The following TENM1 variants were observed in gnomAD, a reference collection of about 807,000 sequenced individuals.
The protein encoded by TENM1 is teneurin transmembrane protein 1, also known as teneurin-1.
Under a neutral mutation model 174.8 loss-of-function variants are expected in TENM1, and 35 were observed. That is an observed-to-expected ratio of 0.20 (90% CI 0.15 to 0.27). The LOEUF is 0.27. TENM1 is among the 10% of genes least tolerant of loss of function. The pLI, the probability that TENM1 is intolerant of heterozygous loss-of-function variation, is 1.00. For synonymous variants in TENM1, 781 were observed against 798.7 expected, an observed-to-expected ratio of 0.98 and a Z score of 0.37; for missense variants, 1,633 against 2,130.1, an observed-to-expected ratio of 0.77 and a Z score of 4.59.
Position 124,385,074 on chromosome X carries a change from A to G in TENM1, c.6077-220T>C, listed in dbSNP as rs183606335. ...AAAAATTAAAATACTCTATAGTTAT[A>G]GAAAATTTTAATTATAGAAACTACA... On this transcript the variant is annotated intron_variant, in intron 29 of 31. Transcript: ENST00000422452. Among the ~76,000 whole-genome samples, 1,102 of 112,632 alleles carry G rather than the reference A, an allele frequency of 9.8e-3. 14 individuals are homozygous for G. The highest frequency in any genetic ancestry group is 0.032 in the African/African-American group (1,004 of 31,006).
At chrX:124,827,951 T>C (rs2056204947) in intron 3 of TENM1, among the ~76,000 whole-genome samples, 1 of 111,669 alleles carries the variant, frequency 9.0e-6, no homozygotes, top group Non-Finnish European at 1.9e-5. Context: ...GTCAATCCTT[T>C]ATATGTATAT....
At chrX:125,090,926 T>C in the TENM1 span, among the ~76,000 whole-genome samples, 1,558 of 111,718 alleles carry the variant, frequency 0.014, 28 homozygotes, top group African/African-American at 0.047. Context: ...AATTACATTA[T>C]AACACTTCAG....
At position 124,645,075 on chromosome X, in the gene TENM1, C is replaced by G. The variant is rs5958546; in HGVS notation, c.1876+68G>C. The G allele has an allele frequency of 1.6e-5, 17 of 1,080,625 alleles. No individual in the cohort carries two copies. The African/African-American group carries it at 2.8e-4, about 18-fold the overall frequency. The allele number at this position is 1,080,625 out of a possible 1,213,427, so 89.1% of individuals were successfully genotyped here. ...GCCACTTGCATCTCTACTAGGAGAACAGAATGACACCTTGGACAACTGAGT... is the reference window on the plus strand; with the variant it reads ...GCCACTTGCATCTCTACTAGGAGAAGAGAATGACACCTTGGACAACTGAGT... On this transcript the variant is annotated intron_variant, in intron 10 of 31. Transcript: ENST00000422452.
At position 124,888,334 on chromosome X, in the gene TENM1, C is replaced by T. The variant is rs73215163; in HGVS notation, c.535+5962G>A. On this transcript the variant is annotated intron_variant, in intron 3 of 31. Coordinates refer to ENST00000422452, the Ensembl canonical transcript of TENM1. The stretch of plus-strand genomic sequence containing the variant: ...AACAGAACAACATAGGGAGCTCAGC[C>T]GCCCAACAGTCAAGGAAATCAACAG... Among the ~76,000 whole-genome samples the T allele has an allele frequency of 9.6e-3, 1,064 of 111,077 alleles. 9 individuals carry two copies. Among genetic ancestry groups the T allele is most frequent in the Non-Finnish European group, 0.015 (778 of 52,942 alleles).
chrX:124,561,785 G>A lies in TENM1; in HGVS notation c.2320C>T (p.Arg774Ter). The A allele has an allele frequency of 8.3e-7, 1 of 1,210,641 alleles. No homozygotes were observed. The change falls in exon 14 of 32, where the codon CGA becomes TGA. Residue 774 changes from arginine to a stop codon, truncating the protein, a stop_gained. Coordinates refer to ENST00000422452, the Ensembl canonical transcript of TENM1. LOFTEE classifies it high-confidence loss of function. ...CAACCATTTTGATCCAGGGTACATC[G>A]TCCATTTCCAAAGCAGAGCCCTGGG...
At chrX:125,157,592 C>G in the TENM1 span, among the ~76,000 whole-genome samples, 1 of 112,027 alleles carries the variant, frequency 8.9e-6, no homozygotes, top group African/African-American at 3.3e-5. Flanking sequence ...AATGGCCGAT[C>G]TCCCAATAAG....
At chrX:124,927,582 A>AG (rs1399802440) in intron 1 of TENM1, among the ~76,000 whole-genome samples, 1 of 111,921 alleles carries the variant, frequency 8.9e-6, no homozygotes, top group Non-Finnish European at 1.9e-5. Flanking sequence ...GGACTATATG[A>AG]GGGGGGAAGA....
chrX:124,586,966 G>T (rs1028448618), intron 11 of TENM1, among the ~76,000 whole-genome samples: 28 of 110,920 alleles, frequency 2.5e-4, no homozygotes, highest in Non-Finnish European at 4.5e-4. Context: ...AAATACCTTG[G>T]AATCCAACCT....
intron 3 of TENM1, among the ~76,000 whole-genome samples, chrX:124,774,154 T>A (rs2054726273): frequency 8.9e-6 from 1 of 111,933 alleles, no homozygotes; most frequent in South Asian, 3.6e-4. Context: ...ATGAAAAGCA[T>A]AAGAACAAAG....
At chrX:124,974,888 C>CTATATA in the TENM1 span, among the ~76,000 whole-genome samples, 7 of 72,727 alleles carry the variant, frequency 9.6e-5, 1 homozygote, top group Non-Finnish European at 1.6e-4. Flanking sequence ...GGGACTGACA[C>CTATATA]TATATATATA....
chrX:124,874,671 T>A (rs959170899), intron 3 of TENM1, among the ~76,000 whole-genome samples: 2 of 111,264 alleles, frequency 1.8e-5, no homozygotes, highest in African/African-American at 6.5e-5. Flanking sequence ...ATAGTACTTA[T>A]TTTCACATTT....
chrX:124,741,906 T>C (rs952798819), intron 3 of TENM1, among the ~76,000 whole-genome samples: 3 of 112,313 alleles, frequency 2.7e-5, no homozygotes, highest in Non-Finnish European at 5.6e-5. Flanking sequence ...AACGCAAAAT[T>C]TGTCTTAAGT....
In TENM1 at chrX:124,521,788, TAGA is replaced by T. The variant is rs751156772; in HGVS notation, c.3034-1007_3034-1005del. On this transcript the variant is annotated intron_variant, in intron 17 of 31. Transcript: ENST00000422452. ...TCTTACTTTTCCAAACTTGTGCACATAGAAGAACTGATTGTTAAACATATGGCA... is the reference window on the plus strand; with the variant it reads ...TCTTACTTTTCCAAACTTGTGCACATAGAACTGATTGTTAAACATATGGCA... Among the ~76,000 whole-genome samples, 33 of 112,215 alleles carry T rather than the reference TAGA, an allele frequency of 2.9e-4. 1 individual carries two copies. The highest frequency in any genetic ancestry group is 1.1e-3 in the African/African-American group (33 of 30,975).
intron 18 of TENM1, among the ~76,000 whole-genome samples, chrX:124,513,572 A>G (rs2047631868): frequency 8.9e-6 from 1 of 112,187 alleles, no homozygotes; most frequent in African/African-American, 3.2e-5. Flanking sequence ...GTATTTCTGA[A>G]TTTGAAGCAA....
chrX:124,964,186 A>C (rs931862161), upstream of TENM1, among the ~76,000 whole-genome samples: 2 of 112,500 alleles, frequency 1.8e-5, no homozygotes, highest in African/African-American at 6.5e-5. Flanking sequence ...AGTGGTGAGG[A>C]GTACAAAGAT....
chrX:124,585,114 T>A (rs1456989036), intron 11 of TENM1, among the ~76,000 whole-genome samples: 13 of 110,489 alleles, frequency 1.2e-4, no homozygotes, highest in African/African-American at 4.0e-4. Context: ...ACTGTCAACA[T>A]TAGACAGATC....
rs1389831803 is a variant in TENM1 at position 124,521,796 on chromosome X, CTGAT to C, written c.3034-1016_3034-1013del. Among the ~76,000 whole-genome samples, 3 of 112,042 alleles carry C rather than the reference CTGAT, an allele frequency of 2.7e-5. No individual in the cohort carries two copies. In the East Asian group the frequency reaches 8.4e-4, roughly 31 times the overall value. ...TTCCAAACTTGTGCACATAGAAGAA[CTGAT>C]TGTTAAACATATGGCATCTCATATT... On this transcript the variant is annotated intron_variant, in intron 17 of 31. Coordinates refer to ENST00000422452, the Ensembl canonical transcript of TENM1.
intron 4 of TENM1, among the ~76,000 whole-genome samples, chrX:124,727,582 C>T (rs2053470360): frequency 1.8e-5 from 2 of 111,564 alleles, no homozygotes; most frequent in Admixed American, 1.9e-4. Flanking sequence ...TGTTTGAATT[C>T]CTGACAGAAA....
At chrX:125,107,200 C>T in the TENM1 span, among the ~76,000 whole-genome samples, 3 of 111,811 alleles carry the variant, frequency 2.7e-5, no homozygotes, top group African/African-American at 9.8e-5. Flanking sequence ...TATTCAGTGC[C>T]CTGTTTTATT....
Sources: allele counts gnomAD v4.1 joint callset (sites outside exome capture counted in the v4.1 genomes callset), GRCh38; gene constraint gnomAD v4.1.1; transcripts MANE v1.5; gene names NCBI Gene and HGNC (gene_info 2026-07-23, HGNC 2026-07-21).